Variants in MDGA2 observed in about 807,000 individuals in gnomAD.
The protein encoded by MDGA2 is MAM domain containing glycosylphosphatidylinositol anchor 2, also known as MAM domain-containing glycosylphosphatidylinositol anchor protein 2.
MDGA2 carries 40 observed loss-of-function variants against 117.8 expected under a neutral mutation model. That is an observed-to-expected ratio of 0.34 (90% CI 0.26 to 0.44). MDGA2 has a LOEUF of 0.44. MDGA2 is among the 20% of genes least tolerant of loss of function. The pLI, the probability that MDGA2 is intolerant of heterozygous loss-of-function variation, is 1.00. For synonymous variants in MDGA2, 452 were observed against 439.0 expected (o/e 1.03, Z -0.37); for missense variants, 1,123 against 1,250.6 (o/e 0.90, Z 1.54).
At position 47,223,385 on chromosome 14, in the gene MDGA2, T is replaced by C. The variant is rs57934523; in HGVS notation, c.421-5190A>G. On this transcript the variant is annotated intron_variant, in intron 2 of 16. Coordinates refer to ENST00000399232, the MANE Select transcript of MDGA2 (RefSeq NM_001113498.3). ...TTATTTTAACTTAATTCAGTACTCA[T>C]CAGCATTTATTTTAATTTAATGTTG... Among the ~76,000 whole-genome samples the C allele has an allele frequency of 2.2e-4, 33 of 152,318 alleles. No homozygotes were observed. In the East Asian group the frequency reaches 3.5e-3, roughly 16 times the overall value.
intron 3 of MDGA2, among the ~76,000 whole-genome samples, chr14:47,196,853 T>C (rs1885306480): frequency 6.6e-6 from 1 of 152,168 alleles, no homozygotes; most frequent in Admixed American, 6.5e-5. Context: ...CAGTCTATTG[T>C]TCCCTTCTTT....
intron 10 of MDGA2, among the ~76,000 whole-genome samples, chr14:46,916,999 GT>G (rs34698811): frequency 4.3e-4 from 64 of 149,588 alleles, no homozygotes; most frequent in East Asian, 2.0e-3. Context: ...CTAGAAATAT[GT>G]TTTTTTTTTC....
At chr14:47,389,581 T>C (rs1020276999) in intron 1 of MDGA2, among the ~76,000 whole-genome samples, 2 of 145,996 alleles carry the variant, frequency 1.4e-5, no homozygotes, top group African/African-American at 5.1e-5. Context: ...ATTACCCTTT[T>C]GCAGGAAAAC....
intron 3 of MDGA2, among the ~76,000 whole-genome samples, chr14:47,170,469 G>A (rs576563208): frequency 6.6e-6 from 1 of 152,074 alleles, no homozygotes; most frequent in South Asian, 2.1e-4. Context: ...TGCTATCATT[G>A]TCATTTTATA....
intron 1 of MDGA2, among the ~76,000 whole-genome samples, chr14:47,383,082 T>A (rs1891673089): frequency 6.6e-6 from 1 of 152,200 alleles, no homozygotes; most frequent in Non-Finnish European, 1.5e-5. Flanking sequence ...GAAACCATTA[T>A]TCTGAGCAAA....
intron 1 of MDGA2, among the ~76,000 whole-genome samples, chr14:47,627,713 G>A (rs1009336888): frequency 1.3e-5 from 2 of 152,194 alleles, no homozygotes; most frequent in African/African-American, 4.8e-5. Flanking sequence ...GCCCCAGCCA[G>A]CAGTGGCAAC....
chr14:47,255,366 G>T (rs1024286094), intron 2 of MDGA2, among the ~76,000 whole-genome samples: 2 of 152,108 alleles, frequency 1.3e-5, no homozygotes, highest in Admixed American at 6.6e-5. Context: ...GGGACTGACT[G>T]TGTGCCTTAC....
intron 15 of MDGA2, among the ~76,000 whole-genome samples, chr14:46,853,257 A>G (rs34759097): frequency 6.6e-6 from 1 of 152,042 alleles, no homozygotes; most frequent in Non-Finnish European, 1.5e-5. Flanking sequence ...AAAAACTATC[A>G]CAAATTAAAC....
At chr14:46,942,135 A>C (rs1885022432) in intron 9 of MDGA2, among the ~76,000 whole-genome samples, 1 of 152,190 alleles carries the variant, frequency 6.6e-6, no homozygotes, top group Admixed American at 6.5e-5. Context: ...ATTGATATGG[A>C]GAGGGGAAAT....
intron 1 of MDGA2, among the ~76,000 whole-genome samples, chr14:47,547,205 A>G (rs910806856): frequency 3.3e-5 from 5 of 152,206 alleles, no homozygotes; most frequent in African/African-American, 1.2e-4. Flanking sequence ...AGACTCTTCT[A>G]TACATGAAAG....
chr14:47,082,443 A>G (rs772036860), intron 6 of MDGA2, among the ~76,000 whole-genome samples: 2 of 152,090 alleles, frequency 1.3e-5, no homozygotes, highest in Non-Finnish European at 2.9e-5. Flanking sequence ...TCTGCAGTGA[A>G]TGGTCCAGAG....
intron 7 of MDGA2, chr14:47,059,317 G>A (rs1889796618): frequency 7.9e-7 from 1 of 1,272,798 alleles, no homozygotes; most frequent in South Asian, 1.2e-5. Flanking sequence ...AGTTAAGTGG[G>A]TACTTTCCAG....
At chr14:47,554,016 G>T (rs1463520102) in intron 1 of MDGA2, among the ~76,000 whole-genome samples, 1 of 152,064 alleles carries the variant, frequency 6.6e-6, no homozygotes, top group East Asian at 1.9e-4. Flanking sequence ...TCCACCCCCC[G>T]TTATCATTTA....
At chr14:47,111,437 T>A (rs112650578) in intron 5 of MDGA2, among the ~76,000 whole-genome samples, 5 of 152,236 alleles carry the variant, frequency 3.3e-5, no homozygotes, top group African/African-American at 9.6e-5. Flanking sequence ...TAGTATATTA[T>A]GAAAAAATTG....
At chr14:47,281,373 G>A (rs1034589201) in intron 2 of MDGA2, among the ~76,000 whole-genome samples, 1 of 152,044 alleles carries the variant, frequency 6.6e-6, no homozygotes, top group African/African-American at 2.4e-5. Context: ...ATATTTTGAT[G>A]CCAATTAATA....
chr14:46,970,727 G>T (rs1886229202), intron 8 of MDGA2, among the ~76,000 whole-genome samples: 1 of 151,828 alleles, frequency 6.6e-6, no homozygotes, highest in Non-Finnish European at 1.5e-5. Flanking sequence ...CATCTGCACA[G>T]CAAGGGAAAC....
At chr14:47,121,360 TACTC>T (rs1881640979) in intron 5 of MDGA2, among the ~76,000 whole-genome samples, 1 of 152,070 alleles carries the variant, frequency 6.6e-6, no homozygotes, top group African/African-American at 2.4e-5. Flanking sequence ...GTAATAAACA[TACTC>T]ACTCTAACAT....
In MDGA2 at chr14:46,974,003, C is replaced by T. The variant is rs138154811; in HGVS notation, c.1820-16360G>A. Among the ~76,000 whole-genome samples, 265 of 151,234 alleles carry T rather than the reference C, an allele frequency of 1.8e-3. 2 individuals carry two copies. Among genetic ancestry groups the T allele is most frequent in the Non-Finnish European group, 3.1e-3 (212 of 67,824 alleles). ...ATCCTCCTGCCTCAGCCTCCCAAAA[C>T]GCTGGAATGACAGGCATAAGCCACC... On this transcript the variant is annotated intron_variant, in intron 8 of 16. Transcript: ENST00000399232.
At chr14:47,455,279 G>T (rs1368854112) in intron 1 of MDGA2, among the ~76,000 whole-genome samples, 1 of 152,136 alleles carries the variant, frequency 6.6e-6, no homozygotes, top group Non-Finnish European at 1.5e-5. Context: ...GTCGAGGTGG[G>T]CGGATCGCCT....
Sources: gnomAD v4.1 joint callset for allele counts (sites outside exome capture counted in the v4.1 genomes callset) on GRCh38, gnomAD v4.1.1 for gene constraint, MANE v1.5 for transcripts, NCBI Gene and HGNC (gene_info 2026-07-23, HGNC 2026-07-21) for gene names.